CENPM: variants seen among roughly 807,000 people sequenced by gnomAD.
CENPM encodes the protein centromere protein M.
A neutral mutation model predicts 19.6 loss-of-function variants in CENPM; 14 were observed. The ratio of observed to expected loss-of-function variants is 0.71; its 90% confidence interval spans 0.47 to 1.11. The LOEUF is 1.11. CENPM is among the 50% of genes most tolerant of loss of function. CENPM has a pLI of 0.00. For synonymous variants in CENPM, 114 were observed against 101.5 expected, an observed-to-expected ratio of 1.12 and a Z score of -0.74; for missense variants, 239 against 228.4, an observed-to-expected ratio of 1.05 and a Z score of -0.30.
the CENPM span, among the ~76,000 whole-genome samples, chr22:41,933,309 CA>C: frequency 6.6e-5 from 10 of 151,700 alleles, no homozygotes; most frequent in Non-Finnish European, 1.2e-4. Context: ...TGCCACACTA[CA>C]CACATCAGTG....
At chr22:41,928,923 G>A in the CENPM span, among the ~76,000 whole-genome samples, 3 of 152,026 alleles carry the variant, frequency 2.0e-5, no homozygotes, top group South Asian at 2.1e-4. The surrounding 1 kb of genome is among the most constrained non-coding windows in gnomAD (Gnocchi z 4.0). Context: ...CAGGTTTCCA[G>A]CTTGGGAGAC....
chr22:41,939,878 A>AAGAAAGAG (rs1399573773), intron 5 of CENPM, among the ~76,000 whole-genome samples: 2 of 72,986 alleles, frequency 2.7e-5, no homozygotes, highest in South Asian at 4.5e-4. Flanking sequence ...GAAAGAAAGA[A>AAGAAAGAG]AAAGAAAGAA....
chr22:41,930,079 G>T, the CENPM span, among the ~76,000 whole-genome samples: 2 of 151,286 alleles, frequency 1.3e-5, no homozygotes, highest in Non-Finnish European at 1.5e-5. Context: ...GAGTAGCTGG[G>T]ACTACAGGCG....
intron 1 of CENPM, 58 bp from the exon 2 acceptor site, chr22:41,946,554 G>A: frequency 6.8e-7 from 1 of 1,476,480 alleles, no homozygotes; most frequent in South Asian, 1.2e-5. Context: ...CCTGGGGAGG[G>A]CCTGGCCCTT....
chr22:41,944,960 G>A (rs2077781694), intron 4 of CENPM: 4 of 1,321,288 alleles, frequency 3.0e-6, no homozygotes, highest in Non-Finnish European at 3.9e-6. Context: ...AAGTTCAGGG[G>A]TACATGTGCA....
chr22:41,928,611 G>A, the CENPM span, among the ~76,000 whole-genome samples: 627 of 152,266 alleles, frequency 4.1e-3, 5 homozygotes, highest in African/African-American at 0.014. This position sits in a 1 kb window ranked among gnomAD's most constrained non-coding sequence, Gnocchi z 4.0. Flanking sequence ...CACTCCAGGC[G>A]GAGGGCTGCA....
chr22:41,935,504 C>T (rs969430477), downstream of CENPM, among the ~76,000 whole-genome samples: 13 of 152,306 alleles, frequency 8.5e-5, no homozygotes, highest in African/African-American at 2.9e-4. Flanking sequence ...GAAGGCTGGC[C>T]TTCCGGGCTC....
chr22:41,927,845 C>A, the CENPM span, among the ~76,000 whole-genome samples: 1 of 152,150 alleles, frequency 6.6e-6, no homozygotes, highest in Non-Finnish European at 1.5e-5. Context: ...GTGGGTCTGC[C>A]CTGAGGGAAT....
intron 5 of CENPM, among the ~76,000 whole-genome samples, chr22:41,941,186 C>G (rs2077735690): frequency 6.6e-6 from 1 of 152,204 alleles, no homozygotes. Flanking sequence ...TGTGTTTCCT[C>G]ATCAATGGAA....
chr22:41,939,862 AAG>A (rs147806297), intron 5 of CENPM, among the ~76,000 whole-genome samples: 1 of 85,708 alleles, frequency 1.2e-5, no homozygotes, highest in Non-Finnish European at 2.4e-5. Context: ...GAAAGAAAGA[AAG>A]AAAGAAAGAA....
downstream of CENPM, among the ~76,000 whole-genome samples, chr22:41,936,015 C>A (rs369997452): frequency 1.3e-5 from 2 of 152,104 alleles, no homozygotes; most frequent in African/African-American, 2.4e-5. Context: ...GGATTACAGG[C>A]GCATGGCACC....
At chr22:41,932,582 C>G in the CENPM span, among the ~76,000 whole-genome samples, 1 of 152,256 alleles carries the variant, frequency 6.6e-6, no homozygotes, top group Non-Finnish European at 1.5e-5. The surrounding 1 kb of genome is among the most constrained non-coding windows in gnomAD (Gnocchi z 4.3). Flanking sequence ...CTGCACTCCA[C>G]AGGGTCTGGC....
chr22:41,934,487 C>G (rs553655513), downstream of CENPM, among the ~76,000 whole-genome samples: 39 of 152,322 alleles, frequency 2.6e-4, no homozygotes, highest in African/African-American at 9.4e-4. Context: ...CCTTCGCCCC[C>G]CCATTCCCAG....
Position 41,944,305 on chromosome 22 carries a change from G to T in CENPM, c.311-604C>A, listed in dbSNP as rs545968556. 41 of 188,856 alleles carry T rather than the reference G, an allele frequency of 2.2e-4. No individual in the cohort carries two copies. The South Asian group carries it at 6.8e-3, about 31-fold the overall frequency. 11.7% of individuals were successfully genotyped at this position (188,856 alleles called of 1,614,324 possible). On this transcript the variant is annotated intron_variant, in intron 4 of 5. Transcript: ENST00000215980. ...ACAAAAATTAGCTGGGCATGATGGCGGGTGCCTGTAATCCCAGCTACTCGG... is the reference window on the plus strand; with the variant it reads ...ACAAAAATTAGCTGGGCATGATGGCTGGTGCCTGTAATCCCAGCTACTCGG...
intron 1 of CENPM, 144 bp downstream of exon 1, chr22:41,946,876 C>T: frequency 1.3e-6 from 1 of 787,342 alleles, no homozygotes; most frequent in Non-Finnish European, 2.1e-6. Flanking sequence ...CCAATTGGTT[C>T]AGAGCATGGC....
the CENPM span, among the ~76,000 whole-genome samples, chr22:41,929,845 T>G: frequency 8.6e-5 from 13 of 152,006 alleles, no homozygotes; most frequent in African/African-American, 3.1e-4. Flanking sequence ...GTGTCGCTAC[T>G]TGGATGACAA....
intron 4 of CENPM, chr22:41,944,080 G>A: frequency 1.0e-6 from 1 of 984,766 alleles, no homozygotes; most frequent in Non-Finnish European, 1.2e-6. Flanking sequence ...CTGGGGCTGA[G>A]TTTTGAGGTA....
chr22:41,936,402 A>G (rs2077683908), downstream of CENPM, among the ~76,000 whole-genome samples: 1 of 152,194 alleles, frequency 6.6e-6, no homozygotes, highest in Admixed American at 6.5e-5. Context: ...TGGGGCCTCG[A>G]CCGGAATCTA....
At position 41,943,705 on chromosome 22, in the gene CENPM, G is replaced by C; in HGVS notation, c.311-4C>G. On this transcript the variant is annotated splice_polypyrimidine_tract_variant and splice_region_variant and intron_variant, in intron 4 of 5. Transcript: ENST00000215980. Reference sequence around the variant, plus strand: ...CTGCAGTGGCTCTCCCGCCCAGCTGGAAAGAAGCCATGAGTGCTATAGCTG... The same window carrying C: ...CTGCAGTGGCTCTCCCGCCCAGCTGCAAAGAAGCCATGAGTGCTATAGCTG... 6.2e-7 allele frequency: 1 copy of C among 1,613,092 alleles called. No individual in the cohort carries two copies. Among genetic ancestry groups the C allele is most frequent in the Non-Finnish European group, 8.5e-7 (1 of 1,179,614 alleles).
Sources: gnomAD v4.1 joint callset for allele counts (sites outside exome capture counted in the v4.1 genomes callset) on GRCh38, gnomAD v4.1.1 for gene constraint, Gnocchi (gnomAD v3.1) non-coding constraint, MANE v1.5 for transcripts, NCBI Gene and HGNC (gene_info 2026-07-23, HGNC 2026-07-21) for gene names.